Variants in MS4A15 observed in about 807,000 individuals in gnomAD.
The protein encoded by MS4A15 is membrane-spanning 4-domains subfamily A member 15.
A neutral mutation model predicts 20.6 loss-of-function variants in MS4A15; 22 were observed. That is an observed-to-expected ratio of 1.07 (90% CI 0.76 to 1.52). The LOEUF (loss-of-function observed/expected upper bound fraction) is 1.52, where lower values mean the gene tolerates loss of function less well. Ranked by LOEUF, MS4A15 falls within the 40% of genes most tolerant of loss-of-function variation. MS4A15 has a pLI of 0.00. For synonymous variants in MS4A15, 129 were observed against 129.3 expected (o/e 1.00, Z 0.02); for missense variants, 312 against 323.0 (o/e 0.97, Z 0.26).
chr11:60,773,729 C>A, intron 5 of MS4A15, 108 bp from the exon 6 acceptor site: 1 of 965,972 alleles, frequency 1.0e-6, no homozygotes, highest in Non-Finnish European at 1.7e-6. Context: ...GCTCCAGGCA[C>A]AGCTCTGCTC....
chr11:60,765,410 ATGG>A (rs1198097539), intron 2 of MS4A15, among the ~76,000 whole-genome samples: 3 of 151,958 alleles, frequency 2.0e-5, no homozygotes, highest in Admixed American at 6.6e-5. Flanking sequence ...AGATTAAGCA[ATGG>A]TGATGATGAT....
rs1307229776 is a variant in MS4A15, at chr11:60,767,662, G to A, written c.348+7G>A. On this transcript the variant is annotated splice_region_variant and intron_variant, in intron 3 of 6. Coordinates refer to ENST00000405633, the MANE Select transcript of MS4A15 (RefSeq NM_001098835.2). Reference sequence around the variant, plus strand: ...CTTCTGGGGAGGAGCCTGCGTGAGTGCCGGGGCCATGGAGAGGGAGGGTAG... The same window carrying A: ...CTTCTGGGGAGGAGCCTGCGTGAGTACCGGGGCCATGGAGAGGGAGGGTAG... 6.5e-7 allele frequency: 1 copy of A among 1,545,514 alleles called. No homozygotes were observed. The highest frequency in any genetic ancestry group is 8.7e-7 in the Non-Finnish European group (1 of 1,144,572).
intron 3 of MS4A15, among the ~76,000 whole-genome samples, chr11:60,770,609 T>TA (rs780040224): frequency 1.1e-3 from 148 of 133,936 alleles, no homozygotes; most frequent in Middle Eastern, 3.8e-3. Flanking sequence ...GAAAATAAAA[T>TA]AAAAAAAAAA....
Position 60,763,757 on chromosome 11 carries a change from T to C in MS4A15, c.24T>C (p.Asn8=). The C allele has an allele frequency of 6.2e-7, 1 of 1,612,178 alleles. No individual in the cohort carries two copies. The highest frequency in any genetic ancestry group is 8.5e-7 in the Non-Finnish European group (1 of 1,179,892). The part of the protein sequence containing the change: MSAAPAS[N]GVFVVIPPNN... ...CGATGTCTGCAGCTCCCGCCAGCAA[T>C]GGAGTGTTTGTTGTCATCCCGCCAA... The change falls in exon 2 of 7, where the codon AAT becomes AAC. Residue 8 remains asparagine (N), a synonymous_variant. Coordinates refer to ENST00000405633, the MANE Select transcript of MS4A15 (RefSeq NM_001098835.2).
At chr11:60,764,681 C>A (rs573578392) in intron 2 of MS4A15, among the ~76,000 whole-genome samples, 1 of 152,258 alleles carries the variant, frequency 6.6e-6, no homozygotes, top group East Asian at 1.9e-4. Flanking sequence ...GAGGCCGAGG[C>A]AGGCAGATCA....
At chr11:60,759,323 T>G (rs1050447455) in intron 1 of MS4A15, among the ~76,000 whole-genome samples, 2 of 152,252 alleles carry the variant, frequency 1.3e-5, no homozygotes, top group Non-Finnish European at 2.9e-5. Flanking sequence ...CCTTGTTAAC[T>G]ATATGTTTGC....
Position 60,767,548 on chromosome 11 carries a change from A to T in MS4A15, c.241A>T (p.Ile81Phe), listed in dbSNP as rs758212378. The change falls in exon 3 of 7, where the codon ATC (isoleucine) becomes TTC (phenylalanine). Residue 81 changes from isoleucine (I) to phenylalanine (F), a missense_variant. Ile to Phe is a conservative substitution (Grantham distance 21, BLOSUM62 0). Transcript: ENST00000405633. ...CTTCCCGCAGACGGTGCAGATCCTC[A>T]TCGGCCTCATCCACCTAGGCTTTGG... is the stretch of plus-strand genomic sequence containing the variant. ...PKVLGTVQIL[I>F]GLIHLGFGSV... 1.4e-5 allele frequency: 21 copies of T among 1,547,432 alleles called. No homozygotes were observed. The South Asian group carries it at 2.4e-4, about 18-fold the overall frequency.
chr11:60,775,570 G>A, intron 6 of MS4A15, 35 bp from the exon 7 acceptor site: 1 of 1,569,510 alleles, frequency 6.4e-7, no homozygotes, highest in Non-Finnish European at 8.8e-7. Flanking sequence ...AAGCTCCAGC[G>A]TCCTCCAGGA....
At position 60,773,393 on chromosome 11, in the gene MS4A15, T is replaced by G. The variant is rs895606945; in HGVS notation, c.407T>G (p.Val136Gly). Residue 136 changes from valine to glycine, a missense_variant and splice_region_variant, in exon 5 of 7, where the codon GTG (valine) becomes GGG (glycine). Coordinates refer to ENST00000405633, the MANE Select transcript of MS4A15 (RefSeq NM_001098835.2). ...AAEKNHTSCLVRSSLGTNILS... is the reference protein window; with the variant it reads ...AAEKNHTSCLGRSSLGTNILS... ...CTCCTGTCTCTCTGCTCTCTGCAGG[T>G]GAGGAGCAGCCTGGGCACCAACATC... 2 of 1,611,958 alleles carry G rather than the reference T, an allele frequency of 1.2e-6. No homozygotes were observed. Among genetic ancestry groups the G allele is most frequent in the Non-Finnish European group, 1.7e-6 (2 of 1,179,298 alleles).
chr11:60,775,548 A>G, intron 6 of MS4A15, 57 bp from the exon 7 acceptor site: 1 of 1,441,422 alleles, frequency 6.9e-7, no homozygotes, highest in Non-Finnish European at 9.7e-7. Context: ...GCACTATTGA[A>G]CCACTACCCT....
intron 1 of MS4A15, among the ~76,000 whole-genome samples, chr11:60,759,752 T>A (rs1227087903): frequency 6.6e-6 from 1 of 152,106 alleles, no homozygotes; most frequent in Non-Finnish European, 1.5e-5. Flanking sequence ...GATGTTTGGG[T>A]AAAGAGAAAC....
At chr11:60,761,449 T>C (rs927583591) in intron 1 of MS4A15, among the ~76,000 whole-genome samples, 1 of 152,174 alleles carries the variant, frequency 6.6e-6, no homozygotes, top group Non-Finnish European at 1.5e-5. Context: ...GGGATATAAG[T>C]TTGAGGCCAT....
At position 60,763,943 on chromosome 11, in the gene MS4A15, G is replaced by A. The variant is rs753787323; in HGVS notation, c.210G>A (p.Glu70=). 20 of 1,612,554 alleles carry A rather than the reference G, an allele frequency of 1.2e-5. No homozygotes were observed. Among genetic ancestry groups the A allele is most frequent in the Non-Finnish European group, 1.6e-5 (19 of 1,179,698 alleles). The change falls in exon 2 of 7, where the codon GAG becomes GAA. Residue 70 remains glutamate (E), a synonymous_variant. Transcript: ENST00000405633. Reference sequence around the variant, plus strand: ...CCGTGGAGACATTCCTGACAGGAGAGCCCAAAGTTTTGGGGGTAAGAACAG... The same window carrying A: ...CCGTGGAGACATTCCTGACAGGAGAACCCAAAGTTTTGGGGGTAAGAACAG... ...LRPVETFLTG[E]PKVLGTVQIL...
chr11:60,759,960 C>T (rs979436812), intron 1 of MS4A15, among the ~76,000 whole-genome samples: 1 of 152,204 alleles, frequency 6.6e-6, no homozygotes. Context: ...CGGAGACCGG[C>T]GCCGGTGCAG....
Position 60,763,705 on chromosome 11 carries a change from G to A in MS4A15, c.-28-1G>A. Reference sequence around the variant, plus strand: ...CATCATTGCCATTATTATCTCCCAAGCCTTTGTTTCCCAGGCTCTCTGAGC... The same window carrying A: ...CATCATTGCCATTATTATCTCCCAAACCTTTGTTTCCCAGGCTCTCTGAGC... On this transcript the variant is annotated splice_acceptor_variant, in intron 1 of 6. Transcript: ENST00000405633. LOFTEE classifies it low-confidence loss of function (5UTR_SPLICE). 1 of 1,609,334 alleles carries A rather than the reference G, an allele frequency of 6.2e-7. No individual in the cohort carries two copies. Among genetic ancestry groups the A allele is most frequent in the Non-Finnish European group, 8.5e-7 (1 of 1,177,524 alleles).
Position 60,767,664 on chromosome 11 carries a change from CG to C in MS4A15, c.348+13del. 3 of 1,543,992 alleles carry C rather than the reference CG, an allele frequency of 1.9e-6. No individual in the cohort carries two copies. The highest frequency in any genetic ancestry group is 2.4e-5 in the East Asian group (1 of 41,220). On this transcript the variant is annotated intron_variant, in intron 3 of 6. Transcript: ENST00000405633. ...TCTGGGGAGGAGCCTGCGTGAGTGC[CG>C]GGGCCATGGAGAGGGAGGGTAGGGG...
chr11:60,767,505 C>A lies in MS4A15; in HGVS notation c.226-28C>A, dbSNP rs76023487. 2.9e-3 allele frequency: 4,353 copies of A among 1,487,510 alleles called. 122 individuals carry two copies. In the East Asian group the frequency reaches 0.062, roughly 21 times the overall value. 92.1% of individuals were successfully genotyped at this position (1,487,510 alleles called of 1,614,324 possible). On this transcript the variant is annotated intron_variant, in intron 2 of 6. Coordinates refer to ENST00000405633, the MANE Select transcript of MS4A15 (RefSeq NM_001098835.2). Reference sequence around the variant, plus strand: ...AGGGGGCGGTGTGGAACAGGGCCCGCGGCACTGAGCCTCGGGGCTTCCCGC... The same window carrying A: ...AGGGGGCGGTGTGGAACAGGGCCCGAGGCACTGAGCCTCGGGGCTTCCCGC...
intron 3 of MS4A15, 74 bp downstream of exon 3, chr11:60,767,729 C>T (rs566894498): frequency 1.4e-6 from 2 of 1,433,932 alleles, no homozygotes; most frequent in East Asian, 5.4e-5. Flanking sequence ...CGCGCCCACC[C>T]CCACCATCCT....
chr11:60,763,678 A>G, intron 1 of MS4A15, 28 bp from the exon 2 acceptor site: 1 of 1,584,908 alleles, frequency 6.3e-7, no homozygotes, highest in Non-Finnish European at 8.6e-7. Context: ...ATGGGTGACA[A>G]TCATCATTGC....
Sources: gnomAD v4.1 joint callset for allele counts (sites outside exome capture counted in the v4.1 genomes callset) on GRCh38, gnomAD v4.1.1 for gene constraint, MANE v1.5 for transcripts, NCBI Gene and HGNC (gene_info 2026-07-23, HGNC 2026-07-21) for gene names.